Variants in GALR1 observed in about 807,000 individuals in gnomAD.
GALR1 encodes galanin receptor type 1.
In GALR1, 11 loss-of-function variants were observed where a neutral mutation model predicts 17.9. The ratio of observed to expected loss-of-function variants is 0.62; its 90% CI spans 0.39 to 1.02. The LOEUF is 1.02. GALR1 is among the 50% of genes least tolerant of loss of function. GALR1 has a pLI of 0.01. For synonymous variants in GALR1, 206 were observed against 205.7 expected, an observed-to-expected ratio of 1.00 and a Z score of -0.01; for missense variants, 441 against 456.9, an observed-to-expected ratio of 0.97 and a Z score of 0.32.
intron 1 of GALR1, among the ~76,000 whole-genome samples, chr18:77,252,989 T>TCACCACCAC (rs1912497112): frequency 8.0e-5 from 2 of 25,036 alleles, no homozygotes; most frequent in South Asian, 1.5e-3. Flanking sequence ...ATCACCACCA[T>TCACCACCAC]CACCACCACC....
In GALR1 at chr18:77,256,212, TC is replaced by T; in HGVS notation, c.723del (p.Lys242ArgfsTer36). The T allele has an allele frequency of 6.4e-7, 1 of 1,574,768 alleles. No individual in the cohort carries two copies. Among genetic ancestry groups the T allele is most frequent in the Non-Finnish European group, 8.7e-7 (1 of 1,144,768 alleles). Reference protein sequence around the residue: ...LKNMSKKSEASKKKTAQTVLV... With the variant: ...LKNMSKKSEAXKKKTAQTVLV... ...GAACATGTCAAAGAAGTCTGAAGCA[TC>T]CAAGAAAAAGGTAATGATCACAAAT... is the stretch of plus-strand genomic sequence containing the variant. On this transcript the variant is annotated frameshift_variant, in exon 2 of 3. Coordinates refer to ENST00000299727, the MANE Select transcript of GALR1 (RefSeq NM_001480.4). LOFTEE classifies it high-confidence loss of function.
intron 1 of GALR1, among the ~76,000 whole-genome samples, chr18:77,253,401 T>C (rs937215832): frequency 6.6e-6 from 1 of 152,192 alleles, no homozygotes; most frequent in African/African-American, 2.4e-5. Flanking sequence ...AAGTCTGAGA[T>C]TGAGATTCTT....
chr18:77,252,515 G>C (rs1912441612), intron 1 of GALR1, among the ~76,000 whole-genome samples: 1 of 152,214 alleles, frequency 6.6e-6, no homozygotes, highest in African/African-American at 2.4e-5. Flanking sequence ...CATCTAGGTA[G>C]ATTGTGTCTA....
chr18:77,255,065 C>T (rs117326011), intron 1 of GALR1, among the ~76,000 whole-genome samples: 1 of 152,246 alleles, frequency 6.6e-6, no homozygotes, highest in East Asian at 1.9e-4. Flanking sequence ...AAGTTCAATT[C>T]GATTAAATTA....
At chr18:77,266,195 C>G (rs1451586037) in intron 2 of GALR1, among the ~76,000 whole-genome samples, 1 of 152,196 alleles carries the variant, frequency 6.6e-6, no homozygotes, top group Non-Finnish European at 1.5e-5. Context: ...CAAAATGCCA[C>G]CAGTCTCTTT....
At chr18:77,254,858 T>A (rs1912550773) in intron 1 of GALR1, among the ~76,000 whole-genome samples, 1 of 152,248 alleles carries the variant, frequency 6.6e-6, no homozygotes, top group Admixed American at 6.5e-5. Context: ...CAGATGTTGC[T>A]GAGTCATTTC....
Position 77,256,209 on chromosome 18 carries a change from G to T in GALR1, c.718G>T (p.Ala240Ser). ...GAAGAACATGTCAAAGAAGTCTGAAGCATCCAAGAAAAAGGTAATGATCAC... is the reference window on the plus strand; with the variant it reads ...GAAGAACATGTCAAAGAAGTCTGAATCATCCAAGAAAAAGGTAATGATCAC... ...KLKNMSKKSEASKKKTAQTVL... is the reference protein window; with the variant it reads ...KLKNMSKKSESSKKKTAQTVL... The change falls in exon 2 of 3, where the codon GCA becomes TCA. Residue 240 changes from alanine to serine, a missense_variant. Ala to Ser is a moderately conservative substitution (Grantham distance 99). Coordinates refer to ENST00000299727, the MANE Select transcript of GALR1 (RefSeq NM_001480.4). The T allele has an allele frequency of 6.3e-7, 1 of 1,577,794 alleles. No homozygotes were observed. The highest frequency in any genetic ancestry group is 8.7e-7 in the Non-Finnish European group (1 of 1,147,520).
chr18:77,271,247 C>CA lies in GALR1; in HGVS notation c.*2345_*2346insA, dbSNP rs1913056751. The CA allele has an allele frequency of 5.9e-5, 2 of 34,134 alleles. No homozygotes were observed. Among genetic ancestry groups the CA allele is most frequent in the Non-Finnish European group, 9.9e-5 (2 of 20,204 alleles). The allele number at this position is 34,134 out of a possible 1,614,324, so 2.1% of individuals were successfully genotyped here. A position where few individuals can be genotyped will look rare whatever the true frequency, so the allele number is the denominator to read the frequency against. ...AAAAAGTAATAGCTTGCGCTTGAAA[C>CA]CCCCCCCCCCCCGCCACTTTGCTAA... On this transcript the variant is annotated 3_prime_UTR_variant, in exon 3 of 3. Transcript: ENST00000299727.
chr18:77,265,130 C>A (rs984950330), intron 2 of GALR1, among the ~76,000 whole-genome samples: 1 of 152,182 alleles, frequency 6.6e-6, no homozygotes, highest in Non-Finnish European at 1.5e-5. Flanking sequence ...TGCCTATAAG[C>A]CTTTACAATC....
At chr18:77,252,992 C>CCACCACCACCACCACCACCACCACCAT (rs1912497928) in intron 1 of GALR1, among the ~76,000 whole-genome samples, 1 of 30,164 alleles carries the variant, frequency 3.3e-5, no homozygotes, top group Non-Finnish European at 8.6e-5. Context: ...ACCACCATCA[C>CCACCACCACCACCACCACCACCACCAT]CACCACCACC....
Position 77,272,291 on chromosome 18 carries a change from A to ATGCAC in GALR1, c.*3392_*3393insACTGC. 6.6e-6 allele frequency: 1 copy of ATGCAC among 152,354 alleles called. No individual in the cohort carries two copies. Among genetic ancestry groups the ATGCAC allele is most frequent in the South Asian group, 2.1e-4 (1 of 4,832 alleles). The allele number at this position is 152,354 out of a possible 1,614,324, so 9.4% of individuals were successfully genotyped here. On this transcript the variant is annotated 3_prime_UTR_variant, in exon 3 of 3. Coordinates refer to ENST00000299727, the MANE Select transcript of GALR1 (RefSeq NM_001480.4). ...ATATTGCATTCCTGCATTCTCCCAGATGCTTTGAGGCAGTGCAGCGATCAT... is the reference window on the plus strand; with the variant it reads ...ATATTGCATTCCTGCATTCTCCCAGATGCACTGCTTTGAGGCAGTGCAGCGATCAT...
intron 1 of GALR1, 49 bp downstream of exon 1, chr18:77,251,263 G>C (rs751019532): frequency 2.6e-6 from 4 of 1,550,060 alleles, no homozygotes; most frequent in Non-Finnish European, 2.6e-6. Flanking sequence ...GCGGAGGGCC[G>C]GTGGGGGCCC....
At chr18:77,253,034 TCACCAC>T (rs1221810035) in intron 1 of GALR1, among the ~76,000 whole-genome samples, 2 of 43,910 alleles carry the variant, frequency 4.6e-5, no homozygotes, top group Non-Finnish European at 4.6e-5. Context: ...ATCACCACCA[TCACCAC>T]CACCACCACC....
At chr18:77,258,113 A>G (rs1425645360) in intron 2 of GALR1, among the ~76,000 whole-genome samples, 1 of 152,188 alleles carries the variant, frequency 6.6e-6, no homozygotes, top group African/African-American at 2.4e-5. Context: ...AAAAGCTTCT[A>G]TTTTATTTTA....
chr18:77,251,885 A>G (rs1912426809), intron 1 of GALR1, among the ~76,000 whole-genome samples: 1 of 152,202 alleles, frequency 6.6e-6, no homozygotes, highest in Admixed American at 6.5e-5. Flanking sequence ...TTTATTCTGA[A>G]GCTTAGCTTT....
Position 77,275,281 on chromosome 18 carries a change from C to T in GALR1, c.*6379C>T, listed in dbSNP as rs149810951. On this transcript the variant is annotated 3_prime_UTR_variant, in exon 3 of 3. Coordinates refer to ENST00000299727, the MANE Select transcript of GALR1 (RefSeq NM_001480.4). ...TCCGTCTGCTCAGTGAGAGGAATTCCAATGCTGGGTCTTGACTCCCGCTGC... is the reference window on the plus strand; with the variant it reads ...TCCGTCTGCTCAGTGAGAGGAATTCTAATGCTGGGTCTTGACTCCCGCTGC... 5 of 152,248 alleles carry T rather than the reference C, an allele frequency of 3.3e-5. No individual in the cohort carries two copies. The highest frequency in any genetic ancestry group is 2.0e-4 in the Admixed American group (3 of 15,282). 9.4% of individuals were successfully genotyped at this position (152,248 alleles called of 1,614,324 possible).
Position 77,250,580 on chromosome 18 carries a change from G to A in GALR1, c.32G>A (p.Gly11Asp). ...CTGGCGGTCGGGAACCTCAGCGAGG[G>A]CAACGCGAGCTGGCCGGAGCCCCCC... is the stretch of plus-strand genomic sequence containing the variant. The part of the protein sequence containing the change: MELAVGNLSE[G>D]NASWPEPPAP... The change falls in exon 1 of 3, where the codon GGC becomes GAC. Residue 11 changes from glycine to aspartate, a missense_variant. Physicochemically the swap from Gly to Asp is moderately conservative, Grantham distance 94. Coordinates refer to ENST00000299727, the MANE Select transcript of GALR1 (RefSeq NM_001480.4). The A allele has an allele frequency of 1.9e-6, 3 of 1,541,604 alleles. No homozygotes were observed. The highest frequency in any genetic ancestry group is 2.6e-6 in the Non-Finnish European group (3 of 1,148,726).
intron 2 of GALR1, among the ~76,000 whole-genome samples, chr18:77,263,696 T>G (rs531741339): frequency 6.6e-6 from 1 of 152,332 alleles, no homozygotes; most frequent in African/African-American, 2.4e-5. Context: ...CACAGCTTCC[T>G]GGCTTCCAGT....
At chr18:77,252,974 C>CCAA (rs1912493501) in intron 1 of GALR1, among the ~76,000 whole-genome samples, 1 of 57,202 alleles carries the variant, frequency 1.7e-5, no homozygotes, top group Non-Finnish European at 4.0e-5. Context: ...ACCACCATCA[C>CCAA]CACCATCACC....
Sources: allele counts gnomAD v4.1 joint callset (sites outside exome capture counted in the v4.1 genomes callset), GRCh38; gene constraint gnomAD v4.1.1; transcripts MANE v1.5; gene names NCBI Gene and HGNC (gene_info 2026-07-23, HGNC 2026-07-21).